CRTAC1: variants seen among roughly 807,000 people sequenced by gnomAD.
CRTAC1 encodes acidic secreted protein in cartilage.
CRTAC1 carries 37 observed loss-of-function variants against 67.8 expected under a neutral mutation model. The ratio of observed to expected loss-of-function variants is 0.55; its 90% CI spans 0.42 to 0.72. The LOEUF is 0.72. CRTAC1 is among the 30% of genes least tolerant of loss of function. The pLI is 0.00. For missense variants in CRTAC1, 780 were observed against 931.6 expected (o/e 0.84, Z 2.12); for synonymous variants, 348 against 371.0 (o/e 0.94, Z 0.71).
chr10:98,009,176 C>T (rs1842858135), intron 2 of CRTAC1, among the ~76,000 whole-genome samples: 3 of 152,088 alleles, frequency 2.0e-5, no homozygotes, highest in Non-Finnish European at 4.4e-5. Context: ...TTCTAAAAGC[C>T]CAGAACTGTA....
chr10:97,936,648 A>G (rs1263624897), intron 2 of CRTAC1, among the ~76,000 whole-genome samples: 3 of 152,262 alleles, frequency 2.0e-5, no homozygotes, highest in Non-Finnish European at 4.4e-5. Flanking sequence ...AGCCATGGAC[A>G]GCCCGTTCCC....
At position 97,895,807 on chromosome 10, in the gene CRTAC1, G is replaced by A. The variant is rs958380413; in HGVS notation, c.1317+78C>T. ...ACCATGCTGGCCAAGCCAGCACCCC[G>A]GCACCTTGCCCTCACCAACTCAAGG... is the stretch of plus-strand genomic sequence containing the variant. On this transcript the variant is annotated intron_variant, in intron 10 of 14. Coordinates refer to ENST00000370597, the MANE Select transcript of CRTAC1 (RefSeq NM_018058.7). This position sits in a 1 kb window ranked among gnomAD's most constrained non-coding sequence, Gnocchi z 4.2. The A allele has an allele frequency of 4.3e-5, 54 of 1,247,654 alleles. No homozygotes were observed. Among genetic ancestry groups the A allele is most frequent in the African/African-American group, 3.0e-4 (20 of 67,482 alleles). 77.3% of individuals were successfully genotyped at this position (1,247,654 alleles called of 1,614,324 possible). A position where few individuals can be genotyped will look rare whatever the true frequency, so the allele number is the denominator to read the frequency against.
At chr10:97,922,321 C>T (rs2050852545) in intron 4 of CRTAC1, among the ~76,000 whole-genome samples, 1 of 152,234 alleles carries the variant, frequency 6.6e-6, no homozygotes, top group African/African-American at 2.4e-5. Context: ...TGGCACCTGC[C>T]TTCTCCCAAG....
At chr10:97,965,511 C>T (rs375105584) in intron 2 of CRTAC1, among the ~76,000 whole-genome samples, 18 of 152,186 alleles carry the variant, frequency 1.2e-4, no homozygotes, top group Non-Finnish European at 2.5e-4. Context: ...CACTTACTAC[C>T]GCCAGAGGCA....
rs548620405 is a variant in CRTAC1 at position 97,883,632 on chromosome 10, C to G, written c.1632+574G>C. Among the ~76,000 whole-genome samples the G allele has an allele frequency of 1.9e-4, 29 of 152,340 alleles. No individual in the cohort carries two copies. The South Asian group carries it at 5.6e-3, about 29-fold the overall frequency. On this transcript the variant is annotated intron_variant, in intron 12 of 14. Transcript: ENST00000370597. ...CAGTTTCTACTCATCCTGAGCTTCC[C>G]TGAGTTTTATGAGTGATCCTCCTTA... is the stretch of plus-strand genomic sequence containing the variant.
At chr10:97,902,881 C>T (rs1237699987) in intron 7 of CRTAC1, among the ~76,000 whole-genome samples, 2 of 151,740 alleles carry the variant, frequency 1.3e-5, no homozygotes, top group African/African-American at 4.8e-5. Context: ...GTTGAATAAG[C>T]CTGGCCAGCT....
intron 2 of CRTAC1, among the ~76,000 whole-genome samples, chr10:97,982,435 T>A (rs1167078107): frequency 6.6e-6 from 1 of 152,240 alleles, no homozygotes; most frequent in Non-Finnish European, 1.5e-5. Flanking sequence ...CTGCTGACTC[T>A]GAGGGAGAAG....
At chr10:97,961,001 T>C (rs990992120) in intron 2 of CRTAC1, among the ~76,000 whole-genome samples, 11 of 152,240 alleles carry the variant, frequency 7.2e-5, no homozygotes, top group Admixed American at 2.0e-4. Context: ...GTTTGAAATA[T>C]AATTTTCCTG....
intron 2 of CRTAC1, among the ~76,000 whole-genome samples, chr10:97,955,100 A>G (rs1321335412): frequency 6.6e-6 from 1 of 152,212 alleles, no homozygotes; most frequent in East Asian, 1.9e-4. Context: ...TTCATTATGC[A>G]GCTCACTGAA....
chr10:97,990,721 C>T (rs1397411370), intron 2 of CRTAC1, among the ~76,000 whole-genome samples: 1 of 152,172 alleles, frequency 6.6e-6, no homozygotes, highest in East Asian at 1.9e-4. Flanking sequence ...CCACTAACCT[C>T]CAGGGCTCAG....
rs868128257 is a variant in CRTAC1 at position 97,923,165 on chromosome 10, C to T, written c.558+99G>A. 6.0e-5 allele frequency: 86 copies of T among 1,424,864 alleles called. No homozygotes were observed. The East Asian group carries it at 1.6e-3, about 26-fold the overall frequency. The allele number at this position is 1,424,864 out of a possible 1,614,324, so 88.3% of individuals were successfully genotyped here. Reference sequence around the variant, plus strand: ...TTAGCACCCAATCTATCCAAGACACCGCGGGAGACGCCACTCTGTCAGGGG... The same window carrying T: ...TTAGCACCCAATCTATCCAAGACACTGCGGGAGACGCCACTCTGTCAGGGG... On this transcript the variant is annotated intron_variant, in intron 4 of 14. Transcript: ENST00000370597.
At chr10:98,019,468 G>A (rs560930198) in intron 1 of CRTAC1, among the ~76,000 whole-genome samples, 2 of 152,322 alleles carry the variant, frequency 1.3e-5, no homozygotes, top group African/African-American at 2.4e-5. Flanking sequence ...GGTGGGTAGA[G>A]GCACAGGATG....
At chr10:97,990,604 T>C (rs1273492722) in intron 2 of CRTAC1, among the ~76,000 whole-genome samples, 3 of 152,182 alleles carry the variant, frequency 2.0e-5, no homozygotes, top group Non-Finnish European at 2.9e-5. Flanking sequence ...ATAAAAGATT[T>C]GGTTGGAGGA....
At chr10:97,928,396 G>T (rs1202616299) in intron 3 of CRTAC1, among the ~76,000 whole-genome samples, 2 of 152,216 alleles carry the variant, frequency 1.3e-5, no homozygotes, top group Admixed American at 1.3e-4. Context: ...ACCAGGGACA[G>T]GTAAAGGAGA....
intron 2 of CRTAC1, among the ~76,000 whole-genome samples, chr10:97,967,235 T>C (rs2051633169): frequency 6.6e-6 from 1 of 152,234 alleles, no homozygotes; most frequent in African/African-American, 2.4e-5. Context: ...AATACAACTT[T>C]ATTTATGTTG....
chr10:97,957,846 T>C (rs2051463339), intron 2 of CRTAC1, among the ~76,000 whole-genome samples: 1 of 151,862 alleles, frequency 6.6e-6, no homozygotes, highest in Non-Finnish European at 1.5e-5. Flanking sequence ...GGGGAGGAGA[T>C]GGTGGGTGAG....
At chr10:97,910,502 AG>A (rs1211121038) in intron 5 of CRTAC1, among the ~76,000 whole-genome samples, 2 of 152,190 alleles carry the variant, frequency 1.3e-5, no homozygotes, top group South Asian at 2.1e-4. Context: ...ACTGCTCTAA[AG>A]GGTTGTTTAC....
At chr10:97,886,557 C>T (rs2050288056) in intron 11 of CRTAC1, among the ~76,000 whole-genome samples, 2 of 152,226 alleles carry the variant, frequency 1.3e-5, no homozygotes, top group African/African-American at 4.8e-5. Flanking sequence ...AATTATTTCT[C>T]ATCACTCCCT....
chr10:97,967,005 C>A (rs1017674439), intron 2 of CRTAC1, among the ~76,000 whole-genome samples: 1 of 145,700 alleles, frequency 6.9e-6, no homozygotes, highest in African/African-American at 2.6e-5. Flanking sequence ...CCCCCCCCCC[C>A]CGACATCCTA....
Sources: gnomAD v4.1 joint callset for allele counts (sites outside exome capture counted in the v4.1 genomes callset) on GRCh38, gnomAD v4.1.1 for gene constraint, Gnocchi (gnomAD v3.1) non-coding constraint, MANE v1.5 for transcripts, NCBI Gene and HGNC (gene_info 2026-07-23, HGNC 2026-07-21) for gene names.